Variants in ADAM12 observed in about 807,000 individuals in gnomAD.
The protein encoded by ADAM12 is ADAM metallopeptidase domain 12, also known as disintegrin and metalloproteinase domain-containing protein 12.
A neutral mutation model predicts 106.4 loss-of-function variants in ADAM12; 70 were observed. The ratio of observed to expected loss-of-function variants is 0.66; its 90% CI spans 0.54 to 0.80. The LOEUF is 0.80. Ranked by LOEUF, ADAM12 falls within the 30% of genes least tolerant of loss-of-function variation. The probability of loss-of-function intolerance (pLI) is 0.00; values close to 1 mark genes in which losing one functional copy is unlikely to be tolerated. For synonymous variants in ADAM12, 420 were observed against 433.5 expected (o/e 0.97, Z 0.39); for missense variants, 1,010 against 1,171.9 (o/e 0.86, Z 2.02).
chr10:126,248,996 A>G (rs986846278), intron 3 of ADAM12, among the ~76,000 whole-genome samples: 26 of 152,010 alleles, frequency 1.7e-4, no homozygotes, highest in Non-Finnish European at 7.4e-5. Context: ...ATGAGCCACC[A>G]TGTCTGGCCT....
chr10:126,176,903 T>C (rs2133774774), intron 3 of ADAM12, among the ~76,000 whole-genome samples: 1 of 152,264 alleles, frequency 6.6e-6, no homozygotes, highest in African/African-American at 2.4e-5. Context: ...AATTGGCAAC[T>C]GGGACTCCTG....
intron 11 of ADAM12, among the ~76,000 whole-genome samples, chr10:126,079,867 GT>G (rs1955179113): frequency 6.6e-6 from 1 of 152,214 alleles, no homozygotes. Context: ...GGCAGGATCT[GT>G]CAGTGCGATC....
chr10:126,102,396 A>T (rs1955685122), intron 8 of ADAM12, among the ~76,000 whole-genome samples: 1 of 152,244 alleles, frequency 6.6e-6, no homozygotes, highest in South Asian at 2.1e-4. Flanking sequence ...AGCAGGTCCT[A>T]TTCTCAGTTG....
chr10:126,317,059 G>A (rs183940399), intron 2 of ADAM12, among the ~76,000 whole-genome samples: 48 of 152,288 alleles, frequency 3.2e-4, no homozygotes, highest in African/African-American at 1.1e-3. Context: ...GGTGACTGAA[G>A]TTTGAGAAAC....
chr10:126,329,093 C>G (rs1854412050), intron 2 of ADAM12, among the ~76,000 whole-genome samples: 1 of 151,010 alleles, frequency 6.6e-6, no homozygotes, highest in African/African-American at 2.4e-5. Flanking sequence ...AGGACACATT[C>G]AGTTAAATGT....
chr10:126,109,634 AT>A, intron 7 of ADAM12, 140 bp downstream of exon 7: 1 of 622,706 alleles, frequency 1.6e-6, no homozygotes, highest in Non-Finnish European at 2.7e-6. Context: ...TCAGAAAACC[AT>A]TGTTTCAATG....
intron 1 of ADAM12, among the ~76,000 whole-genome samples, chr10:126,367,222 A>T (rs1006688459): frequency 1.3e-5 from 2 of 151,960 alleles, no homozygotes; most frequent in African/African-American, 4.8e-5. Context: ...AAGAAGACAT[A>T]ATCTGATTAT....
At chr10:126,163,288 T>C (rs1956968219) in intron 3 of ADAM12, among the ~76,000 whole-genome samples, 1 of 152,232 alleles carries the variant, frequency 6.6e-6, no homozygotes, top group Admixed American at 6.5e-5. Context: ...GGACACGTCA[T>C]GGGAGCAGGT....
intron 11 of ADAM12, among the ~76,000 whole-genome samples, chr10:126,076,388 G>A (rs7080604): frequency 0.12 from 18,773 of 152,240 alleles, 1,502 homozygotes; most frequent in African/African-American, 0.21. Flanking sequence ...ATGAGGGCAC[G>A]TGTCTTTTTG....
At chr10:126,042,354 C>G in intron 18 of ADAM12, 2 of 1,326,340 alleles carry the variant, frequency 1.5e-6, no homozygotes, top group Non-Finnish European at 1.0e-6. Flanking sequence ...GAAATGGCCA[C>G]GAGTTCAAGC....
intron 1 of ADAM12, among the ~76,000 whole-genome samples, chr10:126,374,544 G>A (rs573466533): frequency 4.6e-5 from 7 of 152,084 alleles, no homozygotes; most frequent in Non-Finnish European, 8.8e-5. Context: ...GCTTCCATAC[G>A]TGAAAAAGTA....
At chr10:126,165,765 G>T (rs967569073) in intron 3 of ADAM12, among the ~76,000 whole-genome samples, 4 of 152,184 alleles carry the variant, frequency 2.6e-5, no homozygotes, top group African/African-American at 9.6e-5. Flanking sequence ...TTTCCTCCAT[G>T]TTGGAAGAGA....
At chr10:126,141,265 T>C (rs1236001426) in intron 4 of ADAM12, among the ~76,000 whole-genome samples, 2 of 152,212 alleles carry the variant, frequency 1.3e-5, no homozygotes, top group African/African-American at 4.8e-5. Context: ...CTCTCTCTGA[T>C]TGCCTCAAGG....
Position 126,019,779 on chromosome 10 carries a change from G to A in ADAM12, c.2576C>T (p.Pro859Leu), listed in dbSNP as rs764997787. Residue 859 changes from proline to leucine, a missense_variant, in exon 22 of 23, where the codon CCT (proline) becomes CTT (leucine). Pro to Leu is a moderately conservative substitution (Grantham distance 98, BLOSUM62 -3). Transcript: ENST00000448723. ...AGTGAGCCGAGTTGTTCTGGCCAGA[G>A]GATCTGCAGGCAGAGGCTTCTGAGG... Reference protein sequence around the residue: ...NPPQKPLPADPLARTTRLTHA... With the variant: ...NPPQKPLPADLLARTTRLTHA... 1 of 1,614,142 alleles carries A rather than the reference G, an allele frequency of 6.2e-7. No homozygotes were observed. Among genetic ancestry groups the A allele is most frequent in the Non-Finnish European group, 8.5e-7 (1 of 1,180,026 alleles).
intron 11 of ADAM12, among the ~76,000 whole-genome samples, chr10:126,076,143 AT>A (rs1955096316): frequency 6.6e-6 from 1 of 152,060 alleles, no homozygotes; most frequent in Non-Finnish European, 1.5e-5. Context: ...CGTGTATTCA[AT>A]GTTTAGTGCC....
rs12217230 is a variant in ADAM12, at chr10:126,137,800, T to C, written c.340-2140A>G. On this transcript the variant is annotated intron_variant, in intron 4 of 22. Transcript: ENST00000448723. ...TTATCCAAGTGTTGAGCACATGAGT[T>C]GTTTCTACTTTTTGACTATTATGAG... Among the ~76,000 whole-genome samples the C allele has an allele frequency of 1.5e-3, 222 of 152,354 alleles. 1 individual carries two copies. In the East Asian group the frequency reaches 0.038, roughly 26 times the overall value.
intron 2 of ADAM12, among the ~76,000 whole-genome samples, chr10:126,306,022 T>C (rs1240548496): frequency 1.3e-5 from 2 of 152,042 alleles, no homozygotes; most frequent in Non-Finnish European, 2.9e-5. Context: ...GTAAATCATA[T>C]ACAGGGAGTT....
At chr10:126,354,833 G>C (rs933494225) in intron 1 of ADAM12, among the ~76,000 whole-genome samples, 3 of 151,396 alleles carry the variant, frequency 2.0e-5, no homozygotes, top group Non-Finnish European at 4.4e-5. Flanking sequence ...AATACTCAAA[G>C]ATATATTTAA....
At chr10:126,378,386 C>T (rs1289285152) in intron 1 of ADAM12, among the ~76,000 whole-genome samples, 1 of 152,160 alleles carries the variant, frequency 6.6e-6, no homozygotes, top group Non-Finnish European at 1.5e-5. Context: ...TATTTATTAT[C>T]AACAGAGGAG....
Sources: gnomAD v4.1 joint callset for allele counts (sites outside exome capture counted in the v4.1 genomes callset) on GRCh38, gnomAD v4.1.1 for gene constraint, MANE v1.5 for transcripts, NCBI Gene and HGNC (gene_info 2026-07-23, HGNC 2026-07-21) for gene names.